The following TRIM51 variants were observed in gnomAD, a reference collection of about 807,000 sequenced individuals.
TRIM51 encodes the protein tripartite motif-containing 51, also known as tripartite motif-containing protein 51.
TRIM51 carries 23 observed loss-of-function variants against 32.7 expected under a neutral mutation model. That is an observed-to-expected ratio of 0.70 (90% CI 0.51 to 1.00). The LOEUF (loss-of-function observed/expected upper bound fraction) is 1.00. Ranked by LOEUF, TRIM51 falls within the 50% of genes least tolerant of loss-of-function variation. The pLI is 0.00. For missense variants in TRIM51, 592 were observed against 539.2 expected, an observed-to-expected ratio of 1.10 and a Z score of -0.97; for synonymous variants, 177 against 181.9, an observed-to-expected ratio of 0.97 and a Z score of 0.22.
chr11:55,891,635 A>G lies in TRIM51; in HGVS notation c.*3A>G, dbSNP rs1315642144. On this transcript the variant is annotated 3_prime_UTR_variant, in exon 7 of 7. Coordinates refer to ENST00000449290, the MANE Select transcript of TRIM51 (RefSeq NM_032681.4). ...TCTTTTGCTGTAGTCACTTCTGACC[A>G]GAGAAAAGTCAGAAATGTGCCTGTA... 1 of 1,612,670 alleles carries G rather than the reference A, an allele frequency of 6.2e-7. No homozygotes were observed. Among genetic ancestry groups the G allele is most frequent in the South Asian group, 1.1e-5 (1 of 91,012 alleles).
intron 4 of TRIM51, 99 bp from the exon 5 acceptor site, chr11:55,888,880 A>G (rs1028234361): frequency 2.8e-6 from 3 of 1,089,610 alleles, no homozygotes. Flanking sequence ...TTGTAGGAAA[A>G]TAGTATCTTC....
At chr11:55,884,827 AAG>A (rs1854553984) in intron 1 of TRIM51, among the ~76,000 whole-genome samples, 1 of 152,154 alleles carries the variant, frequency 6.6e-6, no homozygotes, top group African/African-American at 2.4e-5. Flanking sequence ...AAGTTAATTT[AAG>A]CCATAAGAAA....
chr11:55,884,998 A>AT (rs1854556502), intron 1 of TRIM51, among the ~76,000 whole-genome samples: 1 of 151,778 alleles, frequency 6.6e-6, no homozygotes, highest in East Asian at 2.0e-4. Flanking sequence ...AAAATATGTC[A>AT]TAGCAACCTC....
At position 55,891,283 on chromosome 11, in the gene TRIM51, C is replaced by T. The variant is rs1854646026; in HGVS notation, c.1010C>T (p.Thr337Ile). The T allele has an allele frequency of 1.2e-6, 2 of 1,610,296 alleles. No individual in the cohort carries two copies. The highest frequency in any genetic ancestry group is 1.3e-5 in the African/African-American group (1 of 74,848). ...CTTGTATGGGGGGCTCAGGCTTTCA[C>T]ATCTGGCAAATATTATTGGGAGGTT... ...CFLVWGAQAF[T>I]SGKYYWEVHM... Residue 337 changes from threonine (T) to isoleucine (I), a missense_variant, in exon 7 of 7, where the codon ACA becomes ATA. Physicochemically the swap from Thr to Ile is moderately conservative, Grantham distance 89. Transcript: ENST00000449290.
At position 55,891,004 on chromosome 11, in the gene TRIM51, A is replaced by G. The variant is rs1289554174; in HGVS notation, c.860-129A>G. The G allele has an allele frequency of 6.0e-6, 4 of 666,866 alleles. No individual in the cohort carries two copies. In the African/African-American group the frequency reaches 7.3e-5, roughly 12 times the overall value. 41.3% of individuals were successfully genotyped at this position (666,866 alleles called of 1,614,324 possible). A position where few individuals can be genotyped will look rare whatever the true frequency, so the allele number is the denominator to read the frequency against. The stretch of plus-strand genomic sequence containing the variant: ...TTATACTTTATTAAATGTTGTAGTC[A>G]CAATTCTCCTGTCCTTGTAACTTCA... On this transcript the variant is annotated intron_variant, in intron 6 of 6. Coordinates refer to ENST00000449290, the MANE Select transcript of TRIM51 (RefSeq NM_032681.4).
chr11:55,885,789 C>G lies in TRIM51; in HGVS notation c.361C>G (p.His121Asp). The G allele has an allele frequency of 2.5e-6, 4 of 1,611,792 alleles. No homozygotes were observed. The highest frequency in any genetic ancestry group is 3.4e-6 in the Non-Finnish European group (4 of 1,179,706). Residue 121 changes from histidine (H) to aspartate (D), a missense_variant, in exon 2 of 7, where the codon CAC becomes GAC. Physicochemically the swap from His to Asp is moderately conservative, Grantham distance 81 (BLOSUM62 -1). Coordinates refer to ENST00000449290, the MANE Select transcript of TRIM51 (RefSeq NM_032681.4). Reference protein sequence around the residue: ...LCLPCSNSQEHRNHIHCPIEW... With the variant: ...LCLPCSNSQEDRNHIHCPIEW... Reference sequence around the variant, plus strand: ...TTTGCCGTGCTCCAACTCTCAGGAGCACCGGAATCACATACACTGTCCCAT... The same window carrying G: ...TTTGCCGTGCTCCAACTCTCAGGAGGACCGGAATCACATACACTGTCCCAT...
At chr11:55,884,702 C>T (rs1045406031) in intron 1 of TRIM51, among the ~76,000 whole-genome samples, 5 of 151,956 alleles carry the variant, frequency 3.3e-5, no homozygotes, top group Non-Finnish European at 7.4e-5. Flanking sequence ...ATTATTTAAT[C>T]CAGTCAAGTC....
Position 55,888,223 on chromosome 11 carries a change from G to T in TRIM51, c.699G>T (p.Leu233=). 1.9e-6 allele frequency: 3 copies of T among 1,613,522 alleles called. No homozygotes were observed. Among genetic ancestry groups the T allele is most frequent in the Non-Finnish European group, 2.5e-6 (3 of 1,179,612 alleles). The change falls in exon 4 of 7, where the codon CTG becomes CTT. Residue 233 remains leucine (L), a synonymous_variant. Transcript: ENST00000449290. ...TTTTAAGAGGAATGTATGAGGATCT[G>T]AAGCAAATGTGCCATAAAGCAGATG... is the stretch of plus-strand genomic sequence containing the variant. The part of the protein sequence containing the change: ...RELLRGMYED[L]KQMCHKADVE...
At chr11:55,890,336 C>T (rs1172752289) in intron 6 of TRIM51, among the ~76,000 whole-genome samples, 1 of 152,046 alleles carries the variant, frequency 6.6e-6, no homozygotes, top group Admixed American at 6.6e-5. Flanking sequence ...CAGAAGGAAG[C>T]ATAATAATCC....
chr11:55,888,351 T>A (rs1854604494), intron 4 of TRIM51, 89 bp downstream of exon 4: 5 of 1,002,208 alleles, frequency 5.0e-6, no homozygotes, highest in Non-Finnish European at 7.9e-6. Flanking sequence ...CCCCCTTCAC[T>A]TCCATTATTT....
chr11:55,885,004 A>C (rs1020301929), intron 1 of TRIM51, among the ~76,000 whole-genome samples: 13 of 151,622 alleles, frequency 8.6e-5, no homozygotes, highest in African/African-American at 3.1e-4. Context: ...TGTCATAGCA[A>C]CCTCTGACCA....
chr11:55,887,437 G>GTA lies in TRIM51; in HGVS notation c.508-585_508-584dup, dbSNP rs557351591. On this transcript the variant is annotated intron_variant, in intron 3 of 6. Coordinates refer to ENST00000449290, the MANE Select transcript of TRIM51 (RefSeq NM_032681.4). Reference sequence around the variant, plus strand: ...ATATGAGTACATATATGAGAAATATGTATATATATATGAAAATAATTCTAG... The same window carrying GTA: ...ATATGAGTACATATATGAGAAATATGTATATATATATATGAAAATAATTCTAG... Among the ~76,000 whole-genome samples, 299 of 151,242 alleles carry GTA rather than the reference G, an allele frequency of 2.0e-3. 7 individuals are homozygous for GTA. In the East Asian group the frequency reaches 0.023, roughly 12 times the overall value.
At chr11:55,884,752 A>G (rs1020431065) in intron 1 of TRIM51, among the ~76,000 whole-genome samples, 2 of 152,122 alleles carry the variant, frequency 1.3e-5, no homozygotes, top group African/African-American at 4.8e-5. Flanking sequence ...TAATATAATG[A>G]TATATATTTC....
Position 55,891,634 on chromosome 11 carries a change from C to A in TRIM51, c.*2C>A. ...ATCTTTTGCTGTAGTCACTTCTGAC[C>A]AGAGAAAAGTCAGAAATGTGCCTGT... On this transcript the variant is annotated 3_prime_UTR_variant, in exon 7 of 7. Transcript: ENST00000449290. The A allele has an allele frequency of 1.9e-6, 3 of 1,612,786 alleles. No homozygotes were observed. The highest frequency in any genetic ancestry group is 2.5e-6 in the Non-Finnish European group (3 of 1,179,484).
At position 55,886,107 on chromosome 11, in the gene TRIM51, C is replaced by T. The variant is rs1272587480; in HGVS notation, c.412-16C>T. 4 of 1,608,008 alleles carry T rather than the reference C, an allele frequency of 2.5e-6. No homozygotes were observed. The highest frequency in any genetic ancestry group is 2.2e-5 in the East Asian group (1 of 44,848). On this transcript the variant is annotated splice_polypyrimidine_tract_variant and intron_variant, in intron 2 of 6. Transcript: ENST00000449290. ...TATTGTCCTCACTTGTGCTTCAATT[C>T]GTGGCTGTTTTGCAGGAGGAGCTCC...
At position 55,885,838 on chromosome 11, in the gene TRIM51, G is replaced by A. The variant is rs753206525; in HGVS notation, c.410G>A (p.Arg137Gln). ...ATTGAGTGGGCTGCTGAGGAACGCC[G>A]GGTAAGTGATGCCTCTGAAGATCTA... is the stretch of plus-strand genomic sequence containing the variant. ...CPIEWAAEER[R>Q]EELLKKMQSL... The change falls in exon 2 of 7, where the codon CGG becomes CAG. Residue 137 changes from arginine to glutamine, a missense_variant and splice_region_variant. Coordinates refer to ENST00000449290, the MANE Select transcript of TRIM51 (RefSeq NM_032681.4). 5.5e-5 allele frequency: 89 copies of A among 1,611,492 alleles called. No homozygotes were observed. The highest frequency in any genetic ancestry group is 6.7e-5 in the Non-Finnish European group (79 of 1,179,660).
chr11:55,891,611 C>A lies in TRIM51; in HGVS notation c.1338C>A (p.Ile446=). The change falls in exon 7 of 7, where the codon ATC becomes ATA. Residue 446 remains isoleucine (I), a synonymous_variant. Coordinates refer to ENST00000449290, the MANE Select transcript of TRIM51 (RefSeq NM_032681.4). ...NCSFSPPLRP[I]FCCSHF Reference sequence around the variant, plus strand: ...CCTTCTCACCTCCTCTCAGGCCTATCTTTTGCTGTAGTCACTTCTGACCAG... The same window carrying A: ...CCTTCTCACCTCCTCTCAGGCCTATATTTTGCTGTAGTCACTTCTGACCAG... 1 of 1,613,376 alleles carries A rather than the reference C, an allele frequency of 6.2e-7. No individual in the cohort carries two copies. The highest frequency in any genetic ancestry group is 8.5e-7 in the Non-Finnish European group (1 of 1,179,616).
At chr11:55,890,953 CT>C (rs1854639610) in intron 6 of TRIM51, among the ~76,000 whole-genome samples, 179 bp from the exon 7 acceptor site, 1 of 151,960 alleles carries the variant, frequency 6.6e-6, no homozygotes. Context: ...GGGTTTTGTT[CT>C]TCCTATAGAG....
In TRIM51 at chr11:55,885,534, C is replaced by T. The variant is rs201707277; in HGVS notation, c.106C>T (p.Arg36Trp). The part of the protein sequence containing the change: ...VTIDCGHSFC[R>W]PCLYLNWQDT... Reference sequence around the variant, plus strand: ...CATAGACTGTGGGCACAGCTTTTGCCGGCCCTGTTTGTACCTCAACTGGCA... The same window carrying T: ...CATAGACTGTGGGCACAGCTTTTGCTGGCCCTGTTTGTACCTCAACTGGCA... Residue 36 changes from arginine (R) to tryptophan (W), a missense_variant, in exon 2 of 7, where the codon CGG becomes TGG. Coordinates refer to ENST00000449290, the MANE Select transcript of TRIM51 (RefSeq NM_032681.4). The T allele has an allele frequency of 9.3e-6, 15 of 1,611,876 alleles. No individual in the cohort carries two copies. The South Asian group carries it at 1.1e-4, about 12-fold the overall frequency.
Sources: allele counts gnomAD v4.1 joint callset (sites outside exome capture counted in the v4.1 genomes callset), GRCh38; gene constraint gnomAD v4.1.1; transcripts MANE v1.5; gene names NCBI Gene and HGNC (gene_info 2026-07-23, HGNC 2026-07-21).